Variants in UNC13C observed in about 807,000 individuals in gnomAD.
The protein encoded by UNC13C is protein unc-13 homolog C.
UNC13C carries 174 observed loss-of-function variants against 245.4 expected under a neutral mutation model. The observed-to-expected ratio is 0.71, with a 90% CI of 0.63 to 0.80. The LOEUF (loss-of-function observed/expected upper bound fraction) is 0.80. Ranked by LOEUF, UNC13C falls within the 30% of genes least tolerant of loss-of-function variation. The probability of loss-of-function intolerance (pLI) is 0.00; values close to 1 mark genes in which losing one functional copy is unlikely to be tolerated. For missense variants in UNC13C, 2,829 were observed against 2,602.9 expected (o/e 1.09, Z -1.89); for synonymous variants, 992 against 895.1 (o/e 1.11, Z -1.93).
At chr15:54,325,386 T>A (rs2038272319) in intron 14 of UNC13C, among the ~76,000 whole-genome samples, 1 of 152,056 alleles carries the variant, frequency 6.6e-6, no homozygotes, top group Admixed American at 6.6e-5. Context: ...GTTGGTTTTG[T>A]TTTGTATGAA....
chr15:54,049,087 C>T lies in UNC13C; in HGVS notation c.2983+33201C>T, dbSNP rs147567928. The stretch of plus-strand genomic sequence containing the variant: ...TTATCAATGAAAGTGACTTTTCTAT[C>T]ATTGGTAAGTCCTTTTTGATCCAGA... On this transcript the variant is annotated intron_variant, in intron 2 of 32. Coordinates refer to ENST00000260323, the MANE Select transcript of UNC13C (RefSeq NM_001080534.3). 631 of 371,724 alleles carry T rather than the reference C, an allele frequency of 1.7e-3. 7 individuals are homozygous for T. Among genetic ancestry groups the T allele is most frequent in the African/African-American group, 0.013 (610 of 46,444 alleles). 23.0% of individuals were successfully genotyped at this position (371,724 alleles called of 1,614,324 possible).
At chr15:53,868,280 T>C in the UNC13C span, among the ~76,000 whole-genome samples, 3 of 152,180 alleles carry the variant, frequency 2.0e-5, no homozygotes, top group Non-Finnish European at 2.9e-5. Context: ...TGAGAGCAAT[T>C]GGAGGAGCAA....
chr15:53,999,070 G>C (rs1894764236), intron 1 of UNC13C, among the ~76,000 whole-genome samples: 1 of 151,806 alleles, frequency 6.6e-6, no homozygotes, highest in Non-Finnish European at 1.5e-5. Flanking sequence ...TTCTTCTCTT[G>C]TAACATTTTT....
Position 54,395,727 on chromosome 15 carries a change from T to C in UNC13C, c.4847+2546T>C, listed in dbSNP as rs1229608877. On this transcript the variant is annotated intron_variant, in intron 18 of 32. Coordinates refer to ENST00000260323, the MANE Select transcript of UNC13C (RefSeq NM_001080534.3). ...TTGTTATCATGAGTTTGAGAAATCA[T>C]TGTAGGCTTTTGCTTACTCAAATTT... Among the ~76,000 whole-genome samples the C allele has an allele frequency of 2.6e-5, 4 of 151,828 alleles. No homozygotes were observed. The Admixed American group carries it at 2.6e-4, about 10-fold the overall frequency.
At chr15:53,951,851 T>C in the UNC13C span, among the ~76,000 whole-genome samples, 2 of 152,192 alleles carry the variant, frequency 1.3e-5, no homozygotes, top group African/African-American at 2.4e-5. Flanking sequence ...CTTAAATTCA[T>C]CTTATTGAAA....
upstream of UNC13C, among the ~76,000 whole-genome samples, chr15:53,976,126 A>G (rs1893686533): frequency 6.6e-6 from 1 of 152,196 alleles, no homozygotes; most frequent in Non-Finnish European, 1.5e-5. Context: ...CTGCAGGTCA[A>G]TAAAGTCATA....
chr15:54,533,973 C>T (rs1471910648), intron 26 of UNC13C, among the ~76,000 whole-genome samples: 1 of 152,162 alleles, frequency 6.6e-6, no homozygotes, highest in Non-Finnish European at 1.5e-5. Flanking sequence ...TACATAATCT[C>T]ATTTATTATT....
At chr15:54,227,548 G>A (rs77201295) in intron 4 of UNC13C, among the ~76,000 whole-genome samples, 9,753 of 152,246 alleles carry the variant, frequency 0.064, 1,111 homozygotes, top group African/African-American at 0.22. Flanking sequence ...GAGGGAGACC[G>A]AGGGGGCAGG....
intron 17 of UNC13C, among the ~76,000 whole-genome samples, chr15:54,378,042 T>A (rs1456955210): frequency 1.3e-5 from 2 of 152,164 alleles, no homozygotes; most frequent in Non-Finnish European, 2.9e-5. Flanking sequence ...AAAAAAGTGA[T>A]GTTTTTATAT....
At chr15:54,235,155 T>C in intron 5 of UNC13C, 47 bp downstream of exon 5, 1 of 1,550,942 alleles carries the variant, frequency 6.4e-7, no homozygotes. Context: ...TGTGGTTTTT[T>C]TCCTTACTAA....
At chr15:54,258,035 G>A (rs1056400100) in intron 8 of UNC13C, among the ~76,000 whole-genome samples, 10 of 152,064 alleles carry the variant, frequency 6.6e-5, no homozygotes, top group African/African-American at 2.2e-4. Flanking sequence ...TGTCAGAGAG[G>A]CTCCTGGAGA....
intron 16 of UNC13C, 40 bp downstream of exon 16, chr15:54,333,896 A>G: frequency 2.1e-6 from 3 of 1,439,116 alleles, no homozygotes; most frequent in South Asian, 2.4e-5. Context: ...GTTGTGACAT[A>G]GAATACATTC....
chr15:53,876,978 G>T, the UNC13C span, among the ~76,000 whole-genome samples: 1 of 152,080 alleles, frequency 6.6e-6, no homozygotes, highest in Non-Finnish European at 1.5e-5. Context: ...GTCTGACTAT[G>T]GAATATTCTT....
chr15:54,107,695 T>C (rs1209644646), intron 2 of UNC13C, among the ~76,000 whole-genome samples: 2 of 152,220 alleles, frequency 1.3e-5, no homozygotes, highest in Non-Finnish European at 2.9e-5. Flanking sequence ...TATTGTGATA[T>C]GTAACACAGA....
At chr15:54,242,331 A>G (rs1010961694) in intron 7 of UNC13C, among the ~76,000 whole-genome samples, 1 of 152,142 alleles carries the variant, frequency 6.6e-6, no homozygotes, top group Non-Finnish European at 1.5e-5. Flanking sequence ...TAATATAGTG[A>G]TTATGTTCCC....
the UNC13C span, among the ~76,000 whole-genome samples, chr15:53,940,226 A>G: frequency 6.6e-6 from 1 of 152,086 alleles, no homozygotes; most frequent in Non-Finnish European, 1.5e-5. Flanking sequence ...AGTGTTGGCA[A>G]TACCAAGAAG....
At chr15:53,983,318 C>G (rs1894000519) in intron 1 of UNC13C, among the ~76,000 whole-genome samples, 1 of 152,044 alleles carries the variant, frequency 6.6e-6, no homozygotes, top group South Asian at 2.1e-4. Flanking sequence ...TTGGCACACT[C>G]AATGAGAATA....
At chr15:54,099,615 A>G (rs1422581602) in intron 2 of UNC13C, among the ~76,000 whole-genome samples, 7 of 152,096 alleles carry the variant, frequency 4.6e-5, no homozygotes, top group Admixed American at 4.6e-4. Flanking sequence ...GCCCATCATC[A>G]TCTCACCATC....
chr15:54,245,029 C>T (rs1357099351), intron 7 of UNC13C, among the ~76,000 whole-genome samples: 3 of 152,164 alleles, frequency 2.0e-5, no homozygotes, highest in Non-Finnish European at 2.9e-5. Flanking sequence ...CAGAGGGCAT[C>T]CTTGTCTTAT....
Sources: gnomAD v4.1 joint callset for allele counts (sites outside exome capture counted in the v4.1 genomes callset) on GRCh38, gnomAD v4.1.1 for gene constraint, MANE v1.5 for transcripts, NCBI Gene and HGNC (gene_info 2026-07-23, HGNC 2026-07-21) for gene names.